The following VEPH1 variants were observed in gnomAD, a reference collection of about 807,000 sequenced individuals.
VEPH1 encodes ventricular zone-expressed PH domain-containing protein homolog 1.
A neutral mutation model predicts 85.2 loss-of-function variants in VEPH1; 80 were observed. The ratio of observed to expected loss-of-function variants is 0.94; its 90% confidence interval spans 0.78 to 1.13. The LOEUF (loss-of-function observed/expected upper bound fraction) is 1.13, where lower values mean the gene tolerates loss of function less well. VEPH1 is among the 50% of genes most tolerant of loss of function. VEPH1 has a pLI of 0.00. For missense variants in VEPH1, 955 were observed against 980.5 expected (o/e 0.97, Z 0.35); for synonymous variants, 297 against 348.0 (o/e 0.85, Z 1.63).
intron 11 of VEPH1, among the ~76,000 whole-genome samples, chr3:157,296,709 G>C (rs1369911501): frequency 3.9e-5 from 6 of 152,236 alleles, no homozygotes; most frequent in African/African-American, 1.4e-4. Context: ...AAGTGACAGA[G>C]AGGATACTTA....
At chr3:157,443,180 A>G in intron 4 of VEPH1, 2 of 581,138 alleles carry the variant, frequency 3.4e-6, no homozygotes. Context: ...TTTGAGGATA[A>G]TGTTACTAGA....
chr3:157,359,818 G>C (rs543588209), intron 9 of VEPH1, among the ~76,000 whole-genome samples: 1 of 152,154 alleles, frequency 6.6e-6, no homozygotes, highest in Admixed American at 6.5e-5. Flanking sequence ...TTTTCATATG[G>C]ACCAACCTAA....
At chr3:157,387,495 T>A (rs1729425233) in intron 6 of VEPH1, among the ~76,000 whole-genome samples, 1 of 152,176 alleles carries the variant, frequency 6.6e-6, no homozygotes, top group Non-Finnish European at 1.5e-5. Context: ...GCAGAGCCAA[T>A]ATTAAATCAA....
chr3:157,339,321 AG>A (rs1029716461), intron 9 of VEPH1, among the ~76,000 whole-genome samples: 2 of 152,184 alleles, frequency 1.3e-5, no homozygotes. Context: ...TATTCTGCAA[AG>A]GTCATTTATC....
intron 2 of VEPH1, among the ~76,000 whole-genome samples, chr3:157,494,999 G>A (rs1372409071): frequency 6.6e-6 from 1 of 152,088 alleles, no homozygotes; most frequent in African/African-American, 2.4e-5. Context: ...CTTTGTGAGT[G>A]GGCAAAAGAT....
At chr3:157,346,982 T>A (rs903759657) in intron 9 of VEPH1, among the ~76,000 whole-genome samples, 1 of 152,144 alleles carries the variant, frequency 6.6e-6, no homozygotes. Flanking sequence ...CTGTTGCAAA[T>A]AAATTCAAAA....
intron 7 of VEPH1, among the ~76,000 whole-genome samples, chr3:157,369,195 A>AAAAAAAAAAC (rs1727192075): frequency 6.8e-6 from 1 of 147,378 alleles, no homozygotes; most frequent in Non-Finnish European, 1.5e-5. Context: ...AAAAAAAAAA[A>AAAAAAAAAAC]AAAAAAAAAC....
intron 12 of VEPH1, among the ~76,000 whole-genome samples, chr3:157,271,998 T>C (rs1199874169): frequency 6.6e-6 from 1 of 152,246 alleles, no homozygotes; most frequent in Non-Finnish European, 1.5e-5. Flanking sequence ...AATTTAACCA[T>C]GTTGATGCAG....
chr3:157,310,844 C>T (rs925909302), intron 11 of VEPH1, among the ~76,000 whole-genome samples: 4 of 152,156 alleles, frequency 2.6e-5, no homozygotes, highest in Non-Finnish European at 2.9e-5. Flanking sequence ...ATTTCATTGG[C>T]TGAAGCAAGT....
chr3:157,416,135 G>A (rs1731892570), intron 5 of VEPH1, among the ~76,000 whole-genome samples: 2 of 152,096 alleles, frequency 1.3e-5, no homozygotes, highest in South Asian at 4.1e-4. Flanking sequence ...ATAAGTTTTT[G>A]AGCAATAAAT....
chr3:157,321,492 T>C (rs1297256500), intron 9 of VEPH1, among the ~76,000 whole-genome samples: 1 of 152,206 alleles, frequency 6.6e-6, no homozygotes, highest in African/African-American at 2.4e-5. Context: ...CAGGCTTTGT[T>C]ATCTCCATCT....
chr3:157,425,476 T>C (rs151013401), intron 5 of VEPH1, among the ~76,000 whole-genome samples: 21 of 152,264 alleles, frequency 1.4e-4, no homozygotes, highest in African/African-American at 3.6e-4. Flanking sequence ...CTTGCATCAG[T>C]GTGACTCGGA....
intron 3 of VEPH1, 61 bp from the exon 4 acceptor site, chr3:157,460,416 T>C: frequency 1.9e-6 from 3 of 1,543,702 alleles, no homozygotes; most frequent in South Asian, 2.5e-5. Context: ...ATTCATTCAT[T>C]CACTCATTCA....
intron 9 of VEPH1, among the ~76,000 whole-genome samples, chr3:157,325,220 T>C (rs1721765511): frequency 1.3e-5 from 2 of 152,194 alleles, no homozygotes; most frequent in East Asian, 3.8e-4. Context: ...TTTAAGTTCT[T>C]TGTAGAGGCT....
At chr3:157,274,189 C>A (rs1331811840) in intron 12 of VEPH1, among the ~76,000 whole-genome samples, 2 of 152,194 alleles carry the variant, frequency 1.3e-5, no homozygotes, top group African/African-American at 4.8e-5. Context: ...AAAAGTGCCA[C>A]AACAGTTGAC....
chr3:157,328,928 G>A (rs1344811912), intron 9 of VEPH1, among the ~76,000 whole-genome samples: 1 of 152,096 alleles, frequency 6.6e-6, no homozygotes, highest in East Asian at 1.9e-4. Context: ...GCTCAAAGAT[G>A]TCAAGTAATT....
chr3:157,418,278 G>A (rs1732071076), intron 5 of VEPH1, among the ~76,000 whole-genome samples: 1 of 152,082 alleles, frequency 6.6e-6, no homozygotes, highest in Non-Finnish European at 1.5e-5. Context: ...GGTTTTTCCT[G>A]AATAGAGTTA....
intron 5 of VEPH1, among the ~76,000 whole-genome samples, chr3:157,422,965 C>T (rs1317135921): frequency 1.3e-5 from 2 of 152,170 alleles, no homozygotes; most frequent in African/African-American, 4.8e-5. Flanking sequence ...ATTGCCAAAT[C>T]CAAGGTCAAT....
At chr3:157,289,729 AT>A (rs1032830466) in intron 11 of VEPH1, among the ~76,000 whole-genome samples, 111 of 152,212 alleles carry the variant, frequency 7.3e-4, no homozygotes, top group African/African-American at 2.6e-3. Context: ...TATGGCTTCT[AT>A]TTTTCTAACA....
Sources: allele counts gnomAD v4.1 joint callset (sites outside exome capture counted in the v4.1 genomes callset), GRCh38; gene constraint gnomAD v4.1.1; transcripts MANE v1.5; gene names NCBI Gene and HGNC (gene_info 2026-07-23, HGNC 2026-07-21).